The following AK5 variants were observed in gnomAD, a reference collection of about 807,000 sequenced individuals.
AK5 encodes adenylate kinase isoenzyme 5.
AK5 carries 27 observed loss-of-function variants against 69.5 expected under a neutral mutation model. The observed-to-expected ratio is 0.39, with a 90% CI of 0.29 to 0.54. The LOEUF (loss-of-function observed/expected upper bound fraction) is 0.54. AK5 is among the 20% of genes least tolerant of loss of function. The probability of loss-of-function intolerance (pLI) is 0.71; values close to 1 mark genes in which losing one functional copy is unlikely to be tolerated. For missense variants in AK5, 531 were observed against 700.4 expected (o/e 0.76, Z 2.73); for synonymous variants, 260 against 244.4 (o/e 1.06, Z -0.60).
chr1:77,421,842 A>G (rs776507077), intron 8 of AK5, among the ~76,000 whole-genome samples: 3 of 152,182 alleles, frequency 2.0e-5, no homozygotes, highest in African/African-American at 4.8e-5. Flanking sequence ...CATACTGACC[A>G]TGGCCCCTTC....
At chr1:77,376,451 C>CAAAAAAAAAAAAAAAAAAAAAAAAAAAA (rs762576175) in intron 6 of AK5, among the ~76,000 whole-genome samples, 1 of 41,036 alleles carries the variant, frequency 2.4e-5, no homozygotes, top group African/African-American at 9.0e-5. Flanking sequence ...AAAAAAAAAA[C>CAAAAAAAAAAAAAAAAAAAAAAAAAAAA]AAAAAAAAAA....
At chr1:77,328,871 A>T (rs966665729) in intron 5 of AK5, among the ~76,000 whole-genome samples, 1 of 152,212 alleles carries the variant, frequency 6.6e-6, no homozygotes, top group African/African-American at 2.4e-5. Flanking sequence ...ATTTATAAAG[A>T]ACGGAAGTGA....
chr1:77,431,247 T>C (rs910774306), intron 8 of AK5, among the ~76,000 whole-genome samples: 8 of 152,214 alleles, frequency 5.3e-5, no homozygotes, highest in Non-Finnish European at 1.0e-4. Context: ...GCATTTCATT[T>C]GATATTAGTG....
At chr1:77,528,104 C>A (rs2100335675) in intron 12 of AK5, among the ~76,000 whole-genome samples, 1 of 152,248 alleles carries the variant, frequency 6.6e-6, no homozygotes, top group South Asian at 2.1e-4. Flanking sequence ...AACAAAGATG[C>A]TACAAACACA....
At chr1:77,554,833 G>T (rs1557671605) in intron 13 of AK5, among the ~76,000 whole-genome samples, 1 of 149,812 alleles carries the variant, frequency 6.7e-6, no homozygotes. Context: ...AGCCGGGATG[G>T]TCTCTATCTC....
In AK5 at chr1:77,288,856, G is replaced by A. The variant is rs540555533; in HGVS notation, c.247+1729G>A. Among the ~76,000 whole-genome samples the A allele has an allele frequency of 2.0e-5, 3 of 152,162 alleles. No individual in the cohort carries two copies. In the South Asian group the frequency reaches 6.2e-4, roughly 32 times the overall value. Reference sequence around the variant, plus strand: ...AGCAATTAATCCCATTAACCTACACGGTCTCTCACCACTGTCCATCTTACA... The same window carrying A: ...AGCAATTAATCCCATTAACCTACACAGTCTCTCACCACTGTCCATCTTACA... On this transcript the variant is annotated intron_variant, in intron 2 of 13. Coordinates refer to ENST00000354567, the MANE Select transcript of AK5 (RefSeq NM_174858.3).
rs560953620 is a variant in AK5, at chr1:77,534,130, G to A, written c.1429-1717G>A. On this transcript the variant is annotated intron_variant, in intron 12 of 13. Transcript: ENST00000354567. ...CAACTCACGATATTACGAGTTCTCC[G>A]TGTTGCCTAAACATCCTCTTCTTGA... Among the ~76,000 whole-genome samples, 35 of 152,148 alleles carry A rather than the reference G, an allele frequency of 2.3e-4. 2 individuals are homozygous for A. The South Asian group carries it at 4.6e-3, about 20-fold the overall frequency.
rs1662213070 is a variant in AK5, at chr1:77,351,747, C to A, written c.891+11179C>A. On this transcript the variant is annotated intron_variant, in intron 6 of 13. Coordinates refer to ENST00000354567, the MANE Select transcript of AK5 (RefSeq NM_174858.3). ...GGTCAGAAGTGGAGCATGTGTTTCC[C>A]CTACCTTCAGGGGAGGCTGCAAAAC... 2.0e-5 allele frequency among the ~76,000 whole-genome samples: 3 copies of A among 152,230 alleles called. No homozygotes were observed. The South Asian group carries it at 6.2e-4, about 32-fold the overall frequency.
chr1:77,335,638 C>G (rs1248458805), intron 5 of AK5, among the ~76,000 whole-genome samples: 2 of 152,060 alleles, frequency 1.3e-5, no homozygotes, highest in Admixed American at 6.6e-5. Flanking sequence ...AAATGGAGCA[C>G]TATTGGAGAA....
At chr1:77,513,561 CA>C (rs1250969232) in intron 10 of AK5, among the ~76,000 whole-genome samples, 1 of 152,188 alleles carries the variant, frequency 6.6e-6, no homozygotes, top group African/African-American at 2.4e-5. Context: ...CATTTTAGGC[CA>C]GGCCCAGTGA....
rs1453863103 is a variant in AK5 at position 77,475,181 on chromosome 1, ATATATATATATATATGTGTG to A, written c.1060-8134_1060-8115del. Among the ~76,000 whole-genome samples the A allele has an allele frequency of 1.5e-3, 94 of 61,862 alleles. 1 individual carries two copies. Among genetic ancestry groups the A allele is most frequent in the Middle Eastern group, 9.3e-3 (1 of 108 alleles). The allele number at this position is 61,862 out of a possible 152,430, so 40.6% of individuals were successfully genotyped here. A position where few individuals can be genotyped will look rare whatever the true frequency, so the allele number is the denominator to read the frequency against. On this transcript the variant is annotated intron_variant, in intron 8 of 13. Coordinates refer to ENST00000354567, the MANE Select transcript of AK5 (RefSeq NM_174858.3). The stretch of plus-strand genomic sequence containing the variant: ...TGTGTGTGCATGTATATATATATAT[ATATATATATATATATGTGTG>A]TGTGTGTGTGTGTATTCTATATACT...
rs769175141 is a variant in AK5 at position 77,286,991 on chromosome 1, C to T, written c.111C>T (p.Tyr37=). Residue 37 remains tyrosine (Y), a synonymous_variant, in exon 2 of 14, where the codon TAC becomes TAT. Coordinates refer to ENST00000354567, the MANE Select transcript of AK5 (RefSeq NM_174858.3). The stretch of plus-strand genomic sequence containing the variant: ...CTAAGCCCGAAGATCCAGTAGAATA[C>T]TTGGAAAGTTGTTTACAAAAAGTAA... ...MCSKPEDPVE[Y]LESCLQKVKE... The T allele has an allele frequency of 6.2e-7, 1 of 1,604,712 alleles. No individual in the cohort carries two copies. Among genetic ancestry groups the T allele is most frequent in the Admixed American group, 1.7e-5 (1 of 59,092 alleles).
intron 5 of AK5, among the ~76,000 whole-genome samples, chr1:77,308,070 A>T (rs1659741732): frequency 6.6e-6 from 1 of 152,158 alleles, no homozygotes; most frequent in African/African-American, 2.4e-5. Flanking sequence ...TTTAAGTCAC[A>T]TGGCTTTATC....
At chr1:77,449,574 G>T (rs1653005864) in intron 8 of AK5, among the ~76,000 whole-genome samples, 1 of 152,180 alleles carries the variant, frequency 6.6e-6, no homozygotes, top group Non-Finnish European at 1.5e-5. Context: ...GCTGAAATTA[G>T]TTAAGACTTT....
At chr1:77,522,678 T>C (rs915420438) in intron 12 of AK5, among the ~76,000 whole-genome samples, 2 of 152,074 alleles carry the variant, frequency 1.3e-5, no homozygotes, top group East Asian at 1.9e-4. Context: ...GTAAAAACCA[T>C]TGTGGCTGCC....
At position 77,282,383 on chromosome 1, in the gene AK5, G is replaced by T; in HGVS notation, c.60+10G>T. ...CCCTCAGCTTTTTGAGGTAGGGCTA[G>T]AGCTGGCCGACGGGCGGTAGCATCC... On this transcript the variant is annotated intron_variant, in intron 1 of 13. Transcript: ENST00000354567. 6.5e-7 allele frequency: 1 copy of T among 1,543,468 alleles called. No individual in the cohort carries two copies. The highest frequency in any genetic ancestry group is 8.7e-7 in the Non-Finnish European group (1 of 1,143,612).
intron 6 of AK5, chr1:77,371,324 A>T (rs1647118800): frequency 1.3e-5 from 2 of 152,202 alleles, no homozygotes; most frequent in African/African-American, 4.8e-5. Context: ...TAGTCTGTCT[A>T]TTCTCTATGC....
chr1:77,497,125 G>A (rs1249070816), intron 10 of AK5, among the ~76,000 whole-genome samples: 1 of 152,192 alleles, frequency 6.6e-6, no homozygotes, highest in African/African-American at 2.4e-5. Flanking sequence ...ACTCACTGGT[G>A]GCTTCACTCC....
At position 77,559,434 on chromosome 1, in the gene AK5, A is replaced by AATT. The variant is rs1332430652; in HGVS notation, c.*767_*769dup. On this transcript the variant is annotated 3_prime_UTR_variant, in exon 14 of 14. Coordinates refer to ENST00000354567, the MANE Select transcript of AK5 (RefSeq NM_174858.3). ...TCTCTACATGGTGATGCATTTCAGCAATTATAAATTAATATAAATGACCAA... is the reference window on the plus strand; with the variant it reads ...TCTCTACATGGTGATGCATTTCAGCAATTATTATAAATTAATATAAATGACCAA... 1.3e-5 allele frequency: 2 copies of AATT among 152,218 alleles called. No homozygotes were observed. The highest frequency in any genetic ancestry group is 1.3e-4 in the Admixed American group (2 of 15,276). The allele number at this position is 152,218 out of a possible 1,614,324, so 9.4% of individuals were successfully genotyped here. A position where few individuals can be genotyped will look rare whatever the true frequency, so the allele number is the denominator to read the frequency against.
Sources: allele counts gnomAD v4.1 joint callset (sites outside exome capture counted in the v4.1 genomes callset), GRCh38; gene constraint gnomAD v4.1.1; transcripts MANE v1.5; gene names NCBI Gene and HGNC (gene_info 2026-07-23, HGNC 2026-07-21).